AUTS2: variants seen among roughly 807,000 people sequenced by gnomAD.
AUTS2 encodes activator of transcription and developmental regulator AUTS2.
In AUTS2, 17 loss-of-function variants were observed where a neutral mutation model predicts 112.4. The ratio of observed to expected loss-of-function variants is 0.15; its 90% CI spans 0.10 to 0.23. The LOEUF is 0.23. AUTS2 is among the 10% of genes least tolerant of loss of function. AUTS2 has a pLI of 1.00. For missense variants in AUTS2, 1,510 were observed against 1,701.6 expected (o/e 0.89, Z 1.98); for synonymous variants, 751 against 702.7 (o/e 1.07, Z -1.09).
chr7:70,647,468 T>C (rs904586499), intron 5 of AUTS2, among the ~76,000 whole-genome samples: 1 of 152,180 alleles, frequency 6.6e-6, no homozygotes, highest in African/African-American at 2.4e-5. Context: ...TGAAACACAA[T>C]ATAATCCAGA....
At chr7:70,517,414 G>T (rs897243989) in intron 5 of AUTS2, among the ~76,000 whole-genome samples, 1 of 152,182 alleles carries the variant, frequency 6.6e-6, no homozygotes, top group East Asian at 1.9e-4. Context: ...TTGATTCTTG[G>T]TGTGTCTTCT....
chr7:70,358,333 C>T (rs569255487), intron 4 of AUTS2, among the ~76,000 whole-genome samples: 7 of 152,272 alleles, frequency 4.6e-5, no homozygotes, highest in African/African-American at 1.2e-4. Context: ...TTTTCCAGGC[C>T]CACGCCTAAC....
In AUTS2 at chr7:69,685,071, A is replaced by G. The variant is rs1054983027; in HGVS notation, c.309+85109A>G. The stretch of plus-strand genomic sequence containing the variant: ...GACTCCACACCGCTTCTGGGCTGAA[A>G]GATATACTCAGTAGCCTGGCTTTTA... On this transcript the variant is annotated intron_variant, in intron 1 of 18. Coordinates refer to ENST00000342771, the MANE Select transcript of AUTS2 (RefSeq NM_015570.4). Among the ~76,000 whole-genome samples the G allele has an allele frequency of 2.6e-5, 4 of 152,300 alleles. No homozygotes were observed. The East Asian group carries it at 5.8e-4, about 22-fold the overall frequency.
intron 2 of AUTS2, among the ~76,000 whole-genome samples, chr7:70,088,084 T>A (rs150692597): frequency 7.9e-5 from 12 of 152,134 alleles, no homozygotes; most frequent in Non-Finnish European, 1.8e-4. Flanking sequence ...GTAAGTTTTA[T>A]CGGTCTTCTC....
chr7:70,704,706 G>A lies in AUTS2; in HGVS notation c.742+6086G>A, dbSNP rs547105528. ...GTTGAGTGACAAAGGGCTCAATCACGCGGGCCAACCCCAGACAGGAGGGTT... is the reference window on the plus strand; with the variant it reads ...GTTGAGTGACAAAGGGCTCAATCACACGGGCCAACCCCAGACAGGAGGGTT... On this transcript the variant is annotated intron_variant, in intron 6 of 18. Transcript: ENST00000342771. Among the ~76,000 whole-genome samples, 9 of 152,312 alleles carry A rather than the reference G, an allele frequency of 5.9e-5. No individual in the cohort carries two copies. In the South Asian group the frequency reaches 1.4e-3, roughly 25 times the overall value.
chr7:70,258,620 T>C (rs1222960925), intron 4 of AUTS2, among the ~76,000 whole-genome samples: 1 of 152,204 alleles, frequency 6.6e-6, no homozygotes, highest in Non-Finnish European at 1.5e-5. Context: ...AGGACTATCT[T>C]ACTACCCTGA....
chr7:70,294,169 A>G (rs1014544427), intron 4 of AUTS2: 1 of 152,234 alleles, frequency 6.6e-6, no homozygotes, highest in Admixed American at 6.5e-5. Context: ...GTGTTTGCAT[A>G]GAAGGCATTG....
intron 4 of AUTS2, among the ~76,000 whole-genome samples, chr7:70,174,737 C>T (rs1433666832): frequency 2.0e-5 from 3 of 152,152 alleles, no homozygotes; most frequent in Non-Finnish European, 2.9e-5. Flanking sequence ...GATGACAGCA[C>T]ATCTGTTTAC....
intron 5 of AUTS2, among the ~76,000 whole-genome samples, chr7:70,637,674 A>G (rs776985823): frequency 1.3e-5 from 2 of 152,162 alleles, no homozygotes; most frequent in Non-Finnish European, 2.9e-5. Flanking sequence ...AGAGCAAGAA[A>G]AGCAGCCCCA....
chr7:70,460,636 C>T (rs1177782124), intron 5 of AUTS2, among the ~76,000 whole-genome samples: 1 of 152,116 alleles, frequency 6.6e-6, no homozygotes, highest in Non-Finnish European at 1.5e-5. Flanking sequence ...CAAGCCTGAG[C>T]CACCCCACCC....
chr7:69,914,948 G>C (rs1395271694), intron 2 of AUTS2, among the ~76,000 whole-genome samples: 1 of 152,024 alleles, frequency 6.6e-6, no homozygotes, highest in Admixed American at 6.5e-5. Context: ...TTTGCTCATT[G>C]AGCAAACATC....
In AUTS2 at chr7:70,669,258, T is replaced by G. The variant is rs1238291690; in HGVS notation, c.691-29311T>G. On this transcript the variant is annotated intron_variant, in intron 5 of 18. Coordinates refer to ENST00000342771, the MANE Select transcript of AUTS2 (RefSeq NM_015570.4). ...GGCCTGGAGGGCGGCAACGTGTGGTTTGCAGGTTCGTTCATTACCCCAGTG... is the reference window on the plus strand; with the variant it reads ...GGCCTGGAGGGCGGCAACGTGTGGTGTGCAGGTTCGTTCATTACCCCAGTG... Among the ~76,000 whole-genome samples, 5 of 152,302 alleles carry G rather than the reference T, an allele frequency of 3.3e-5. No homozygotes were observed. In the East Asian group the frequency reaches 9.7e-4, roughly 29 times the overall value.
At chr7:69,777,135 C>T (rs1449510579) in intron 1 of AUTS2, among the ~76,000 whole-genome samples, 1 of 152,306 alleles carries the variant, frequency 6.6e-6, no homozygotes, top group South Asian at 2.1e-4. Flanking sequence ...CTTACCTTTG[C>T]TCTTGGGCAT....
At chr7:70,127,560 G>T (rs1055721120) in intron 3 of AUTS2, among the ~76,000 whole-genome samples, 2 of 152,082 alleles carry the variant, frequency 1.3e-5, no homozygotes, top group South Asian at 2.1e-4. Flanking sequence ...TTTATTTAAT[G>T]ACTATATGAA....
At chr7:70,564,649 C>A (rs927386364) in intron 5 of AUTS2, among the ~76,000 whole-genome samples, 1 of 152,172 alleles carries the variant, frequency 6.6e-6, no homozygotes, top group Non-Finnish European at 1.5e-5. Flanking sequence ...TCACTGAACA[C>A]CAGCTACTCA....
Position 70,249,432 on chromosome 7 carries a change from C to T in AUTS2, c.660+114861C>T, listed in dbSNP as rs537779052. Among the ~76,000 whole-genome samples, 66 of 152,210 alleles carry T rather than the reference C, an allele frequency of 4.3e-4. 1 individual carries two copies. The Middle Eastern group carries it at 0.014, about 31-fold the overall frequency. ...CAGTTCTATAGAATGGAGTTTAGTG[C>T]GCATTAGAATAAATGGGAAATCTTA... On this transcript the variant is annotated intron_variant, in intron 4 of 18. Coordinates refer to ENST00000342771, the MANE Select transcript of AUTS2 (RefSeq NM_015570.4).
At chr7:69,732,520 T>A (rs2129233046) in intron 1 of AUTS2, among the ~76,000 whole-genome samples, 1 of 152,278 alleles carries the variant, frequency 6.6e-6, no homozygotes, top group East Asian at 1.9e-4. Flanking sequence ...AATTTCTTTT[T>A]CTCTTAGCCC....
chr7:70,262,401 G>T (rs1373271387), intron 4 of AUTS2, among the ~76,000 whole-genome samples: 1 of 152,122 alleles, frequency 6.6e-6, no homozygotes, highest in South Asian at 2.1e-4. Context: ...TGTTAGAAAG[G>T]CTTGTCTCAA....
intron 1 of AUTS2, among the ~76,000 whole-genome samples, chr7:69,730,975 A>C (rs1019322242): frequency 1.3e-5 from 2 of 152,148 alleles, no homozygotes; most frequent in African/African-American, 4.8e-5. Context: ...AAAAATAAAC[A>C]CTGGCAATAT....
Sources: gnomAD v4.1 joint callset for allele counts (sites outside exome capture counted in the v4.1 genomes callset) on GRCh38, gnomAD v4.1.1 for gene constraint, MANE v1.5 for transcripts, NCBI Gene and HGNC (gene_info 2026-07-23, HGNC 2026-07-21) for gene names.